Variants in REDIC1 observed in about 807,000 individuals in gnomAD.
REDIC1 encodes the protein HEI10 Interacting Protein 1.
the REDIC1 span, among the ~76,000 whole-genome samples, chr12:39,905,439 G>T: frequency 2.6e-5 from 4 of 152,048 alleles, no homozygotes; most frequent in African/African-American, 4.8e-5. Context: ...CTAAACTCCA[G>T]GCTGAATGTA....
chr12:39,652,098 A>G, the REDIC1 span, among the ~76,000 whole-genome samples: 1 of 152,046 alleles, frequency 6.6e-6, no homozygotes, highest in African/African-American at 2.4e-5. Context: ...TTTTTATTGC[A>G]GGGTAGTATT....
the REDIC1 span, among the ~76,000 whole-genome samples, chr12:39,729,998 T>C: frequency 6.6e-6 from 1 of 152,354 alleles, no homozygotes; most frequent in Admixed American, 6.5e-5. Flanking sequence ...TTTTTTTGCT[T>C]TCTATTTGCT....
chr12:39,668,858 C>T, the REDIC1 span, among the ~76,000 whole-genome samples: 1 of 152,124 alleles, frequency 6.6e-6, no homozygotes, highest in Admixed American at 6.5e-5. Context: ...GCTACTGAGG[C>T]TTGTGCATTC....
chr12:39,727,202 G>A, the REDIC1 span, among the ~76,000 whole-genome samples: 1 of 152,148 alleles, frequency 6.6e-6, no homozygotes, highest in African/African-American at 2.4e-5. Context: ...TGCTTTTGGT[G>A]TTTTAGTCAT....
chr12:39,799,934 G>A, the REDIC1 span, among the ~76,000 whole-genome samples: 2 of 152,164 alleles, frequency 1.3e-5, no homozygotes, highest in Admixed American at 1.3e-4. Flanking sequence ...AATCCTTAGA[G>A]TAAGAAGTGT....
At chr12:39,873,777 GA>G in the REDIC1 span, among the ~76,000 whole-genome samples, 6 of 152,108 alleles carry the variant, frequency 3.9e-5, no homozygotes, top group African/African-American at 7.2e-5. Context: ...TATTTAAAAT[GA>G]AAAAAAGTTC....
At chr12:39,687,508 C>T in the REDIC1 span, among the ~76,000 whole-genome samples, 1 of 152,046 alleles carries the variant, frequency 6.6e-6, no homozygotes, top group Non-Finnish European at 1.5e-5. Flanking sequence ...CACTTTTAAC[C>T]AACCAGATCT....
At chr12:39,894,576 C>A in the REDIC1 span, among the ~76,000 whole-genome samples, 1 of 152,116 alleles carries the variant, frequency 6.6e-6, no homozygotes, top group Non-Finnish European at 1.5e-5. Context: ...GACTAAAATA[C>A]AAGACAGACT....
chr12:39,837,187 A>G, the REDIC1 span, among the ~76,000 whole-genome samples: 2 of 148,454 alleles, frequency 1.3e-5, no homozygotes, highest in African/African-American at 5.0e-5. Flanking sequence ...ATAATGCCAC[A>G]TACCTACAAC....
the REDIC1 span, among the ~76,000 whole-genome samples, chr12:39,886,040 C>T: frequency 6.6e-6 from 1 of 152,126 alleles, no homozygotes; most frequent in Non-Finnish European, 1.5e-5. Context: ...TTTACTGCTT[C>T]TTCATGTGTT....
At chr12:39,812,996 ATTTTT>A in the REDIC1 span, among the ~76,000 whole-genome samples, 14 of 40,616 alleles carry the variant, frequency 3.4e-4, 1 homozygote, top group South Asian at 7.7e-3. Context: ...TGCCCAGCTA[ATTTTT>A]TTTTTTTTTT....
the REDIC1 span, chr12:39,646,702 T>G: frequency 1.7e-6 from 1 of 580,132 alleles, no homozygotes; most frequent in Non-Finnish European, 2.8e-6. Flanking sequence ...TTATAAAACT[T>G]AGTAATATTA....
At chr12:39,711,676 T>C in the REDIC1 span, among the ~76,000 whole-genome samples, 4 of 134,206 alleles carry the variant, frequency 3.0e-5, no homozygotes, top group Non-Finnish European at 5.0e-5. Flanking sequence ...CACATGTATG[T>C]GTGTATGCAC....
the REDIC1 span, among the ~76,000 whole-genome samples, chr12:39,739,095 G>T: frequency 6.6e-6 from 1 of 151,932 alleles, no homozygotes; most frequent in African/African-American, 2.4e-5. Flanking sequence ...CAGATTCAAT[G>T]GTTATTATTT....
the REDIC1 span, among the ~76,000 whole-genome samples, chr12:39,662,076 G>A: frequency 6.6e-6 from 1 of 152,096 alleles, no homozygotes; most frequent in Admixed American, 6.6e-5. Context: ...AAGTTGGGTA[G>A]TGTGATGCCT....
chr12:39,815,800 T>C, the REDIC1 span, among the ~76,000 whole-genome samples: 3 of 152,306 alleles, frequency 2.0e-5, no homozygotes, highest in African/African-American at 7.2e-5. Context: ...AAATAAATGT[T>C]GTTTTAGTTG....
the REDIC1 span, among the ~76,000 whole-genome samples, chr12:39,694,440 G>A: frequency 4.1e-4 from 63 of 152,070 alleles, no homozygotes; most frequent in Admixed American, 1.3e-3. Context: ...TGGGGAGAGG[G>A]ACAGTCAGTG....
the REDIC1 span, among the ~76,000 whole-genome samples, chr12:39,816,696 A>G: frequency 6.6e-6 from 1 of 152,006 alleles, no homozygotes; most frequent in Non-Finnish European, 1.5e-5. Context: ...TAAAAATAAA[A>G]CACTAGGATG....
chr12:39,748,466 T>A, the REDIC1 span, among the ~76,000 whole-genome samples: 1 of 152,102 alleles, frequency 6.6e-6, no homozygotes, highest in East Asian at 1.9e-4. Context: ...CACATAATAA[T>A]AATGGGAGAG....
Sources: allele counts gnomAD v4.1 joint callset (sites outside exome capture counted in the v4.1 genomes callset), GRCh38; gene constraint gnomAD v4.1.1; transcripts MANE v1.5; gene names NCBI Gene and HGNC (gene_info 2026-07-23, HGNC 2026-07-21).